Variants in FAM184B observed in about 807,000 individuals in gnomAD.
The protein encoded by FAM184B is protein FAM184B.
A neutral mutation model predicts 135.9 loss-of-function variants in FAM184B; 111 were observed. That is an observed-to-expected ratio of 0.82 (90% CI 0.70 to 0.96). The LOEUF (loss-of-function observed/expected upper bound fraction) is 0.96. Among genes scored for constraint, FAM184B ranks in the 40% least tolerant of loss-of-function variants. The pLI, the probability that FAM184B is intolerant of heterozygous loss-of-function variation, is 0.00. For synonymous variants in FAM184B, 552 were observed against 524.8 expected (o/e 1.05, Z -0.71); for missense variants, 1,375 against 1,323.9 (o/e 1.04, Z -0.60).
At position 17,658,536 on chromosome 4, in the gene FAM184B, C is replaced by G. The variant is rs1441140785; in HGVS notation, c.1851G>C (p.Glu617Asp). 4 of 1,551,156 alleles carry G rather than the reference C, an allele frequency of 2.6e-6. No individual in the cohort carries two copies. The highest frequency in any genetic ancestry group is 3.5e-6 in the Non-Finnish European group (4 of 1,146,998). Residue 617 changes from glutamate to aspartate, a missense_variant, in exon 10 of 18, where the codon GAG becomes GAC. Physicochemically the swap from Glu to Asp is conservative, Grantham distance 45. Transcript: ENST00000265018. ...AQVSQMQQAL[E>D]QCTSNYREDL... ...CCTCCCTGTAGTTGCTGGTGCACTG[C>G]TCCAGAGCCTGCTGCATCTGTGAGA... is the stretch of plus-strand genomic sequence containing the variant.
chr4:17,766,802 G>C (rs1718705277), intron 1 of FAM184B, among the ~76,000 whole-genome samples: 1 of 152,260 alleles, frequency 6.6e-6, no homozygotes, highest in South Asian at 2.1e-4. Context: ...CCCGCGCAGA[G>C]CACCCGCACT....
At chr4:17,700,923 A>C (rs1053809529) in intron 5 of FAM184B, among the ~76,000 whole-genome samples, 2 of 152,244 alleles carry the variant, frequency 1.3e-5, no homozygotes, top group Non-Finnish European at 2.9e-5. Context: ...AATATGAAAA[A>C]AAAATCTGAG....
intron 15 of FAM184B, among the ~76,000 whole-genome samples, chr4:17,636,194 C>G (rs1447425016): frequency 1.3e-5 from 2 of 152,140 alleles, no homozygotes; most frequent in African/African-American, 2.4e-5. Context: ...CAACCTCTGT[C>G]TCTCGGGTTC....
chr4:17,636,538 TTGA>T lies in FAM184B; in HGVS notation c.2771_2773del (p.Ile924del), dbSNP rs774697465. 8 of 1,550,678 alleles carry T rather than the reference TTGA, an allele frequency of 5.2e-6. No homozygotes were observed. Among genetic ancestry groups the T allele is most frequent in the Admixed American group, 2.0e-5 (1 of 50,988 alleles). ...CCCTGACAGCCTCACCGTGAGCTGC[TTGA>T]TGATGTCCTCTCTCTCCTTCAGGCG... On this transcript the variant is annotated inframe_deletion, in exon 15 of 18. Coordinates refer to ENST00000265018, the MANE Select transcript of FAM184B (RefSeq NM_015688.2).
chr4:17,663,047 G>A (rs975768580), intron 8 of FAM184B, among the ~76,000 whole-genome samples: 6 of 152,160 alleles, frequency 3.9e-5, no homozygotes, highest in Admixed American at 6.5e-5. Flanking sequence ...GCAATCCTCC[G>A]ACCTCAGCCT....
intron 1 of FAM184B, among the ~76,000 whole-genome samples, chr4:17,734,537 T>A (rs1015610828): frequency 2.6e-5 from 4 of 151,952 alleles, no homozygotes; most frequent in Non-Finnish European, 4.4e-5. Context: ...AACAGACACT[T>A]CTCAAAAGAA....
chr4:17,775,618 C>T (rs954998916), intron 1 of FAM184B, among the ~76,000 whole-genome samples: 1 of 152,218 alleles, frequency 6.6e-6, no homozygotes, highest in African/African-American at 2.4e-5. Flanking sequence ...TCTCTTGTAG[C>T]AATTTTTCTG....
At chr4:17,659,878 C>A (rs1012655929) in intron 9 of FAM184B, 80 bp downstream of exon 9, 2 of 1,512,814 alleles carry the variant, frequency 1.3e-6, no homozygotes, top group East Asian at 4.9e-5. Context: ...TGAATCAGGC[C>A]CTGCATGCAT....
chr4:17,636,524 T>A lies in FAM184B; in HGVS notation c.2784+4A>T. 2 of 1,549,862 alleles carry A rather than the reference T, an allele frequency of 1.3e-6. No individual in the cohort carries two copies. The highest frequency in any genetic ancestry group is 1.7e-6 in the Non-Finnish European group (2 of 1,146,540). On this transcript the variant is annotated splice_donor_region_variant and intron_variant, in intron 15 of 17. Transcript: ENST00000265018. Reference sequence around the variant, plus strand: ...GTGGGTGAGGCGCCCCCTGACAGCCTCACCGTGAGCTGCTTGATGATGTCC... The same window carrying A: ...GTGGGTGAGGCGCCCCCTGACAGCCACACCGTGAGCTGCTTGATGATGTCC...
chr4:17,772,581 T>G (rs544060037), intron 1 of FAM184B, among the ~76,000 whole-genome samples: 4 of 152,358 alleles, frequency 2.6e-5, no homozygotes, highest in African/African-American at 9.6e-5. Flanking sequence ...CTGTACCAAA[T>G]TCCTCAAAGC....
rs189809339 is a variant in FAM184B at position 17,672,169 on chromosome 4, A to G, written c.1597-7510T>C. 1.4e-3 allele frequency among the ~76,000 whole-genome samples: 212 copies of G among 152,308 alleles called. 1 individual carries two copies. The highest frequency in any genetic ancestry group is 6.8e-3 in the Middle Eastern group (2 of 294). On this transcript the variant is annotated intron_variant, in intron 7 of 17. Coordinates refer to ENST00000265018, the MANE Select transcript of FAM184B (RefSeq NM_015688.2). ...CAGCAAGAGAAAAGCTATTTGTCAC[A>G]TATAAGAGAACCCCCTCATAAGACA...
chr4:17,646,221 A>G (rs1296128317), intron 12 of FAM184B, among the ~76,000 whole-genome samples: 2 of 152,174 alleles, frequency 1.3e-5, no homozygotes, highest in East Asian at 3.9e-4. Context: ...CAGCCATCCC[A>G]TTACTGGGTA....
intron 1 of FAM184B, among the ~76,000 whole-genome samples, chr4:17,718,993 T>C (rs1717459613): frequency 6.6e-6 from 1 of 152,256 alleles, no homozygotes; most frequent in Admixed American, 6.5e-5. Context: ...CCTTCCAAGA[T>C]GCCCACTGGA....
rs986224970 is a variant in FAM184B at position 17,705,113 on chromosome 4, T to C, written c.1264A>G (p.Lys422Glu). The change falls in exon 5 of 18, where the codon AAA becomes GAA. Residue 422 changes from lysine (K) to glutamate (E), a missense_variant. By Grantham distance (56) the Lys-to-Glu change is moderately conservative. Coordinates refer to ENST00000265018, the MANE Select transcript of FAM184B (RefSeq NM_015688.2). ...KIKHQTEEEK[K>E]HLKDQLVKRL... is the part of the protein sequence containing the mutation. ...TTCACTAGCTGGTCTTTGAGATGTT[T>C]CTTCTCCTCTTCTGTCTGATGTTTG... 6 of 1,551,788 alleles carry C rather than the reference T, an allele frequency of 3.9e-6. No homozygotes were observed. Among genetic ancestry groups the C allele is most frequent in the Non-Finnish European group, 5.2e-6 (6 of 1,147,002 alleles).
chr4:17,696,260 T>C (rs1716855214), intron 5 of FAM184B, among the ~76,000 whole-genome samples: 1 of 152,222 alleles, frequency 6.6e-6, no homozygotes, highest in African/African-American at 2.4e-5. Context: ...AAAGCCTGAT[T>C]GGTTGACTGT....
At chr4:17,692,531 C>G (rs1056546982) in intron 6 of FAM184B, among the ~76,000 whole-genome samples, 1 of 152,210 alleles carries the variant, frequency 6.6e-6, no homozygotes, top group Admixed American at 6.5e-5. Flanking sequence ...CTAGAGATAA[C>G]CACTGGTCCT....
chr4:17,632,681 T>G (rs1714994633), intron 17 of FAM184B, 56 bp from the exon 18 acceptor site: 8 of 1,152,842 alleles, frequency 6.9e-6, no homozygotes, highest in Non-Finnish European at 7.5e-6. Flanking sequence ...AAGAAGCAGC[T>G]TAATACCCAC....
chr4:17,684,469 A>T (rs867231370), intron 7 of FAM184B, among the ~76,000 whole-genome samples: 1 of 152,274 alleles, frequency 6.6e-6, no homozygotes, highest in South Asian at 2.1e-4. Context: ...AGAGGCCCGC[A>T]TTTGAAAGAA....
intron 7 of FAM184B, among the ~76,000 whole-genome samples, chr4:17,682,845 C>T (rs984529315): frequency 6.6e-6 from 1 of 152,272 alleles, no homozygotes; most frequent in East Asian, 1.9e-4. Context: ...AGAACAGCTA[C>T]TGGCCTAAAC....
Sources: allele counts gnomAD v4.1 joint callset (sites outside exome capture counted in the v4.1 genomes callset), GRCh38; gene constraint gnomAD v4.1.1; transcripts MANE v1.5; gene names NCBI Gene and HGNC (gene_info 2026-07-23, HGNC 2026-07-21).